SLC17A3: variants seen among roughly 807,000 people sequenced by gnomAD.
SLC17A3 encodes the protein solute carrier family 17 member 3, also known as sodium-dependent phosphate transport protein 4.
Under a neutral mutation model 60.3 loss-of-function variants are expected in SLC17A3, and 61 were observed. The ratio of observed to expected loss-of-function variants is 1.01; its 90% CI spans 0.82 to 1.25. The LOEUF (loss-of-function observed/expected upper bound fraction) is 1.25. Ranked by LOEUF, SLC17A3 falls within the 50% of genes most tolerant of loss-of-function variation. The pLI is 0.00. For missense variants in SLC17A3, 624 were observed against 594.9 expected, an observed-to-expected ratio of 1.05 and a Z score of -0.51; for synonymous variants, 192 against 208.9, an observed-to-expected ratio of 0.92 and a Z score of 0.70.
chr6:25,854,505 A>T lies in SLC17A3; in HGVS notation c.712+639T>A, dbSNP rs527351543. The stretch of plus-strand genomic sequence containing the variant: ...CAGTCCCAAGAACCAACAGGACTCT[A>T]TCTCTGCCCTCAAAGAGCTCACTGT... On this transcript the variant is annotated intron_variant, in intron 6 of 12. Coordinates refer to ENST00000397060, the MANE Select transcript of SLC17A3 (RefSeq NM_001098486.2). 7.9e-5 allele frequency among the ~76,000 whole-genome samples: 12 copies of T among 152,256 alleles called. No individual in the cohort carries two copies. The East Asian group carries it at 1.3e-3, about 17-fold the overall frequency.
chr6:25,865,079 C>T (rs1020242330), intron 2 of SLC17A3, among the ~76,000 whole-genome samples: 6 of 151,916 alleles, frequency 3.9e-5, no homozygotes, highest in South Asian at 2.1e-4. Flanking sequence ...CTCACAATAA[C>T]GCTATGAAGC....
At chr6:25,859,489 G>C (rs1184988922) in intron 5 of SLC17A3, among the ~76,000 whole-genome samples, 1 of 152,166 alleles carries the variant, frequency 6.6e-6, no homozygotes, top group Non-Finnish European at 1.5e-5. Context: ...ACACAGCACT[G>C]CTGACTCAAT....
At chr6:25,863,386 G>A (rs962828833) in intron 2 of SLC17A3, among the ~76,000 whole-genome samples, 3 of 152,078 alleles carry the variant, frequency 2.0e-5, no homozygotes, top group Admixed American at 1.3e-4. Context: ...CCAATTTGAA[G>A]AGCAAATAAA....
rs1561858485 is a variant in SLC17A3 at position 25,862,280 on chromosome 6, CA to C, written c.255del (p.Asp86ThrfsTer6). On this transcript the variant is annotated frameshift_variant, in exon 3 of 13. Transcript: ENST00000397060. LOFTEE classifies it high-confidence loss of function. The part of the protein sequence containing the change: ...QLNDSSEVLP[V>X]DSFGGLSKAP... Reference sequence around the variant, plus strand: ...GCTTTACTTAGGCCACCAAATGAGTCAACAGGCAGCACCTCAGAGGAATCAT... The same window carrying C: ...GCTTTACTTAGGCCACCAAATGAGTCACAGGCAGCACCTCAGAGGAATCAT... 1 of 1,613,838 alleles carries C rather than the reference CA, an allele frequency of 6.2e-7. No homozygotes were observed. Among genetic ancestry groups the C allele is most frequent in the Non-Finnish European group, 8.5e-7 (1 of 1,179,822 alleles).
chr6:25,862,515 T>C, intron 2 of SLC17A3, 71 bp from the exon 3 acceptor site: 4 of 1,211,286 alleles, frequency 3.3e-6, no homozygotes, highest in South Asian at 1.2e-5. Flanking sequence ...CAAGATATGA[T>C]TTAAAAAGTA....
At chr6:25,864,273 C>T (rs1765500383) in intron 2 of SLC17A3, among the ~76,000 whole-genome samples, 1 of 151,824 alleles carries the variant, frequency 6.6e-6, no homozygotes, top group South Asian at 2.1e-4. Flanking sequence ...GGTACTTTGG[C>T]TTTTACTTTG....
At chr6:25,846,066 T>C (rs1276416782) in intron 11 of SLC17A3, among the ~76,000 whole-genome samples, 13 of 152,222 alleles carry the variant, frequency 8.5e-5, no homozygotes, top group Non-Finnish European at 1.9e-4. Context: ...TAATGTTTGC[T>C]TTCATTATCC....
chr6:25,848,547 A>G (rs1765217110), intron 11 of SLC17A3, among the ~76,000 whole-genome samples: 1 of 152,204 alleles, frequency 6.6e-6, no homozygotes, highest in South Asian at 2.1e-4. Context: ...GGAAAGCCAC[A>G]TGTAGGAGAA....
intron 2 of SLC17A3, among the ~76,000 whole-genome samples, chr6:25,863,421 C>T (rs986463151): frequency 2.6e-5 from 4 of 152,018 alleles, no homozygotes; most frequent in Non-Finnish European, 5.9e-5. Context: ...AGCCAAGAAG[C>T]TGTATTTATC....
chr6:25,852,081 G>T (rs982209533), intron 6 of SLC17A3, among the ~76,000 whole-genome samples: 1 of 151,450 alleles, frequency 6.6e-6, no homozygotes, highest in African/African-American at 2.4e-5. Flanking sequence ...TTTTCACTGG[G>T]TCTAGAATTC....
chr6:25,859,765 G>A (rs1033724271), intron 5 of SLC17A3, among the ~76,000 whole-genome samples: 2 of 152,136 alleles, frequency 1.3e-5, no homozygotes, highest in Non-Finnish European at 2.9e-5. Flanking sequence ...ACAGAGAAAG[G>A]ATGTTTGAAC....
intron 5 of SLC17A3, among the ~76,000 whole-genome samples, chr6:25,856,777 G>A (rs1038428890): frequency 3.0e-4 from 45 of 151,616 alleles, no homozygotes; most frequent in African/African-American, 9.0e-4. Flanking sequence ...AACCCAGGAG[G>A]CGGAGGTTGC....
chr6:25,850,830 C>G lies in SLC17A3; in HGVS notation c.760G>C (p.Asp254His). The G allele has an allele frequency of 2.5e-6, 4 of 1,614,074 alleles. No homozygotes were observed. Among genetic ancestry groups the G allele is most frequent in the Non-Finnish European group, 3.4e-6 (4 of 1,179,960 alleles). Residue 254 changes from aspartate to histidine, a missense_variant, in exon 7 of 13, where the codon GAT becomes CAT. Coordinates refer to ENST00000397060, the MANE Select transcript of SLC17A3 (RefSeq NM_001098486.2). ...CCLLWFVVIY[D>H]DPVSYPWIST... Reference sequence around the variant, plus strand: ...ATCCATGGATAGGAAACGGGGTCATCATAAATCACAACAAACCAGAGAAGG... The same window carrying G: ...ATCCATGGATAGGAAACGGGGTCATGATAAATCACAACAAACCAGAGAAGG...
rs556105303 is a variant in SLC17A3 at position 25,853,269 on chromosome 6, C to T, written c.712+1875G>A. Among the ~76,000 whole-genome samples, 4 of 146,940 alleles carry T rather than the reference C, an allele frequency of 2.7e-5. No individual in the cohort carries two copies. In the South Asian group the frequency reaches 8.6e-4, roughly 32 times the overall value. ...TATTGGTTATTTTTCTTTCCTTTCT[C>T]TCTCTCTCTCTGTTTATCTCTCTTT... is the stretch of plus-strand genomic sequence containing the variant. On this transcript the variant is annotated intron_variant, in intron 6 of 12. Coordinates refer to ENST00000397060, the MANE Select transcript of SLC17A3 (RefSeq NM_001098486.2).
Position 25,865,990 on chromosome 6 carries a change from A to T in SLC17A3, c.91+2307T>A, listed in dbSNP as rs112968551. On this transcript the variant is annotated intron_variant, in intron 2 of 12. Coordinates refer to ENST00000397060, the MANE Select transcript of SLC17A3 (RefSeq NM_001098486.2). ...GTACTACTGTACTCAGAATCCAGAAAGCTTATTTCTTAATTTGATGTGACA... is the reference window on the plus strand; with the variant it reads ...GTACTACTGTACTCAGAATCCAGAATGCTTATTTCTTAATTTGATGTGACA... Among the ~76,000 whole-genome samples, 1,442 of 152,116 alleles carry T rather than the reference A, an allele frequency of 9.5e-3. 12 individuals carry two copies. Among genetic ancestry groups the T allele is most frequent in the Non-Finnish European group, 0.014 (950 of 67,916 alleles).
In SLC17A3 at chr6:25,846,792, T is replaced by C. The variant is rs527272849; in HGVS notation, c.1363-1276A>G. ...CATCCGGCTAATTGTTTTGTATTTT[T>C]AGTAGAGACGGGGTTTCACCATGTT... On this transcript the variant is annotated intron_variant, in intron 11 of 12. Coordinates refer to ENST00000397060, the MANE Select transcript of SLC17A3 (RefSeq NM_001098486.2). Among the ~76,000 whole-genome samples the C allele has an allele frequency of 3.1e-3, 473 of 152,258 alleles. 3 individuals carry two copies. The highest frequency in any genetic ancestry group is 0.01 in the African/African-American group (436 of 41,546).
rs560286798 is a variant in SLC17A3, at chr6:25,850,459, G to A, written c.993C>T (p.Asp331=). 2.8e-5 allele frequency: 45 copies of A among 1,613,458 alleles called. No homozygotes were observed. Among genetic ancestry groups the A allele is most frequent in the Admixed American group, 1.8e-4 (11 of 59,992 alleles). The change falls in exon 8 of 13, where the codon GAC becomes GAT. Residue 331 remains aspartate, a splice_region_variant and synonymous_variant. Transcript: ENST00000397060. ...ISSVYHVNIR[D]NGLLSALPFI... is the part of the protein sequence containing the mutation. ...AAGGAAGGGAAGGAAACATACTCAC[G>A]TCTCTGATGTTAACATGGTACACAG...
intron 6 of SLC17A3, 39 bp downstream of exon 6, chr6:25,855,105 T>C: frequency 7.9e-7 from 1 of 1,260,856 alleles, no homozygotes; most frequent in Non-Finnish European, 1.2e-6. Context: ...AGAATCTTTC[T>C]GCATATGAAA....
chr6:25,849,845 G>A lies in SLC17A3; in HGVS notation c.1231C>T (p.Gln411Ter), dbSNP rs1375115698. Residue 411 changes from glutamine to a stop codon, truncating the protein, a stop_gained, in exon 10 of 13, where the codon CAG (glutamine) becomes TAG (stop). Transcript: ENST00000397060. LOFTEE classifies it high-confidence loss of function. ...TLSCGLSTLC[Q>*]SGIYINVLDI... ...AAGACATTGATATAAATCCCTGACT[G>A]ACACAATGTGCTTAATCCGCAAGAG... The A allele has an allele frequency of 6.2e-7, 1 of 1,613,842 alleles. No homozygotes were observed. Among genetic ancestry groups the A allele is most frequent in the African/African-American group, 1.3e-5 (1 of 74,934 alleles).
Sources: allele counts gnomAD v4.1 joint callset (sites outside exome capture counted in the v4.1 genomes callset), GRCh38; gene constraint gnomAD v4.1.1; transcripts MANE v1.5; gene names NCBI Gene and HGNC (gene_info 2026-07-23, HGNC 2026-07-21).